Variants in GINS1 observed in about 807,000 individuals in gnomAD.
GINS1 encodes GINS complex subunit 1, also known as DNA replication complex GINS protein PSF1.
Under a neutral mutation model 34.9 loss-of-function variants are expected in GINS1, and 26 were observed. The ratio of observed to expected loss-of-function variants is 0.74; its 90% confidence interval spans 0.55 to 1.03. The LOEUF (loss-of-function observed/expected upper bound fraction) is 1.03. Ranked by LOEUF, GINS1 falls within the 50% of genes least tolerant of loss-of-function variation. GINS1 has a pLI of 0.00. For synonymous variants in GINS1, 97 were observed against 84.4 expected, an observed-to-expected ratio of 1.15 and a Z score of -0.82; for missense variants, 235 against 237.9, an observed-to-expected ratio of 0.99 and a Z score of 0.08.
intron 2 of GINS1, among the ~76,000 whole-genome samples, chr20:25,415,499 C>T (rs1338841383): frequency 6.6e-6 from 1 of 152,082 alleles, no homozygotes; most frequent in Non-Finnish European, 1.5e-5. Flanking sequence ...ACCAGCCTGA[C>T]CAACATGGTG....
intron 6 of GINS1, among the ~76,000 whole-genome samples, chr20:25,444,640 T>C (rs1568812443): frequency 6.6e-6 from 1 of 152,294 alleles, no homozygotes; most frequent in Admixed American, 6.5e-5. Flanking sequence ...CACCTATGAA[T>C]TGAAAAGCCT....
At chr20:25,414,780 C>T (rs1032517028) in intron 2 of GINS1, among the ~76,000 whole-genome samples, 1 of 152,026 alleles carries the variant, frequency 6.6e-6, no homozygotes, top group African/African-American at 2.4e-5. Context: ...CAACAGTTGC[C>T]TTAGTGAGTT....
chr20:25,426,875 A>G (rs1281579407), intron 5 of GINS1, among the ~76,000 whole-genome samples: 1 of 152,042 alleles, frequency 6.6e-6, no homozygotes, highest in Non-Finnish European at 1.5e-5. Flanking sequence ...TTCTGGCTAT[A>G]CCACATTTTG....
intron 4 of GINS1, among the ~76,000 whole-genome samples, chr20:25,419,288 A>G (rs1348846665): frequency 6.6e-6 from 1 of 152,108 alleles, no homozygotes. Flanking sequence ...ACCATGGCAC[A>G]TGTATACCTA....
intron 1 of GINS1, among the ~76,000 whole-genome samples, chr20:25,410,273 G>A (rs560178195): frequency 2.4e-4 from 37 of 152,050 alleles, no homozygotes; most frequent in Admixed American, 9.2e-4. Flanking sequence ...TCTGGGAGGC[G>A]GAGGTTGCAG....
At chr20:25,445,277 G>C (rs569744719) in intron 6 of GINS1, among the ~76,000 whole-genome samples, 2 of 151,850 alleles carry the variant, frequency 1.3e-5, no homozygotes, top group Non-Finnish European at 2.9e-5. Flanking sequence ...TCACCCCCAG[G>C]TTCAAGTGAT....
At chr20:25,439,599 T>A (rs1321985614) in intron 5 of GINS1, among the ~76,000 whole-genome samples, 1 of 151,910 alleles carries the variant, frequency 6.6e-6, no homozygotes, top group Admixed American at 6.6e-5. Flanking sequence ...AAAAAAGTAA[T>A]GTGTGGCTTT....
chr20:25,442,966 A>G (rs2146225378), intron 6 of GINS1: 1 of 152,092 alleles, frequency 6.6e-6, no homozygotes, highest in South Asian at 2.1e-4. Flanking sequence ...TGACCTAATA[A>G]AAGCTGTTCT....
At chr20:25,432,768 A>G (rs1190106015) in intron 5 of GINS1, among the ~76,000 whole-genome samples, 2 of 151,438 alleles carry the variant, frequency 1.3e-5, no homozygotes, top group Non-Finnish European at 2.9e-5. Flanking sequence ...CAACTGGCAG[A>G]TGAATTGTTA....
rs761025 is a variant in GINS1, at chr20:25,446,332, G to A, written c.*341G>A. The A allele has an allele frequency of 0.44, 91,544 of 206,286 alleles. 21,707 individuals carry two copies. The highest frequency in any genetic ancestry group is 0.92 in the East Asian group (8,991 of 9,800). The allele number at this position is 206,286 out of a possible 1,614,324, so 12.8% of individuals were successfully genotyped here. ...TCACAGGCGTGAGCCACTGCACCCG[G>A]CCCCTACTCCTTTTTCTAATAAGCT... On this transcript the variant is annotated 3_prime_UTR_variant, in exon 7 of 7. Transcript: ENST00000262460.
intron 2 of GINS1, 49 bp from the exon 3 acceptor site, chr20:25,417,055 C>A (rs775880631): frequency 4.7e-6 from 4 of 846,958 alleles, no homozygotes; most frequent in Non-Finnish European, 7.9e-6. Context: ...GAAAATTTTA[C>A]TTATCCTGAA....
chr20:25,439,258 A>G (rs2090469787), intron 5 of GINS1, among the ~76,000 whole-genome samples: 1 of 152,172 alleles, frequency 6.6e-6, no homozygotes, highest in Admixed American at 6.5e-5. Context: ...AGTACATAAC[A>G]CCATTTGCCA....
chr20:25,424,764 G>A (rs575940855), intron 4 of GINS1, among the ~76,000 whole-genome samples: 3 of 152,178 alleles, frequency 2.0e-5, no homozygotes, highest in African/African-American at 4.8e-5. Context: ...ATGGCAATAC[G>A]TTTCAGAACT....
At chr20:25,439,818 C>T (rs540988088) in intron 5 of GINS1, among the ~76,000 whole-genome samples, 1 of 151,890 alleles carries the variant, frequency 6.6e-6, no homozygotes, top group East Asian at 2.0e-4. Context: ...CATGGTGAAA[C>T]CCCGTCCCTA....
chr20:25,419,615 T>A (rs972280871), intron 4 of GINS1: 20 of 830,878 alleles, frequency 2.4e-5, no homozygotes, highest in Non-Finnish European at 3.0e-5. Context: ...TATGTTTCTC[T>A]AACGACAGTA....
chr20:25,417,972 CTG>C, intron 3 of GINS1, 131 bp from the exon 4 acceptor site: 2 of 686,204 alleles, frequency 2.9e-6, no homozygotes, highest in Non-Finnish European at 5.4e-6. Context: ...GACTCTCAGA[CTG>C]TGTTCATGTT....
intron 6 of GINS1, 149 bp downstream of exon 6, chr20:25,441,925 T>C (rs954018149): frequency 1.4e-5 from 7 of 483,492 alleles, no homozygotes; most frequent in Admixed American, 7.6e-5. Flanking sequence ...CTGTACTTTT[T>C]CTGAATATTA....
chr20:25,408,327 A>T (rs2090260743), intron 1 of GINS1, among the ~76,000 whole-genome samples: 1 of 152,128 alleles, frequency 6.6e-6, no homozygotes, highest in African/African-American at 2.4e-5. Flanking sequence ...AAAAATGGGG[A>T]TGGTGACAAT....
Position 25,407,752 on chromosome 20 carries a change from A to G in GINS1, c.-69A>G, listed in dbSNP as rs533282849. On this transcript the variant is annotated 5_prime_UTR_variant, in exon 1 of 7. Coordinates refer to ENST00000262460, the MANE Select transcript of GINS1 (RefSeq NM_021067.5). Reference sequence around the variant, plus strand: ...CTAGAACGAAAGGAGTGAGGCGCCGAGAGCCCAGATACCATTTTGGCGTGA... The same window carrying G: ...CTAGAACGAAAGGAGTGAGGCGCCGGGAGCCCAGATACCATTTTGGCGTGA... The G allele has an allele frequency of 2.4e-4, 286 of 1,199,712 alleles. 3 individuals carry two copies. In the South Asian group the frequency reaches 2.9e-3, roughly 12 times the overall value. 74.3% of individuals were successfully genotyped at this position (1,199,712 alleles called of 1,614,324 possible). A position where few individuals can be genotyped will look rare whatever the true frequency, so the allele number is the denominator to read the frequency against.
Sources: gnomAD v4.1 joint callset for allele counts (sites outside exome capture counted in the v4.1 genomes callset) on GRCh38, gnomAD v4.1.1 for gene constraint, MANE v1.5 for transcripts, NCBI Gene and HGNC (gene_info 2026-07-23, HGNC 2026-07-21) for gene names.